Variants in DAB1 observed in about 807,000 individuals in gnomAD.
DAB1 encodes the protein disabled homolog 1.
Under a neutral mutation model 64.6 loss-of-function variants are expected in DAB1, and 15 were observed. That is an observed-to-expected ratio of 0.23 (90% CI 0.16 to 0.36). DAB1 has a LOEUF of 0.36. Ranked by LOEUF, DAB1 falls within the 10% of genes least tolerant of loss-of-function variation. The probability of loss-of-function intolerance (pLI) is 1.00; values close to 1 mark genes in which losing one functional copy is unlikely to be tolerated. For missense variants in DAB1, 596 were observed against 706.7 expected (o/e 0.84, Z 1.78); for synonymous variants, 235 against 251.9 (o/e 0.93, Z 0.64).
intron 2 of DAB1, among the ~76,000 whole-genome samples, chr1:58,510,190 C>T (rs960406726): frequency 3.9e-5 from 6 of 152,046 alleles, no homozygotes; most frequent in East Asian, 1.9e-4. Context: ...AAAAAAATTA[C>T]GGGCCAATAT....
chr1:58,115,732 G>A (rs1435440028), intron 5 of DAB1, among the ~76,000 whole-genome samples: 4 of 95,846 alleles, frequency 4.2e-5, no homozygotes, highest in East Asian at 3.0e-4. Flanking sequence ...GTAAACTATC[G>A]CAAGAACAAA....
At chr1:57,284,112 A>T (rs1672125216) in intron 2 of DAB1, among the ~76,000 whole-genome samples, 1 of 152,262 alleles carries the variant, frequency 6.6e-6, no homozygotes, top group East Asian at 1.9e-4. Context: ...TATGATAAAC[A>T]TGGAATATTT....
Position 57,439,436 on chromosome 1 carries a change from T to TTTTGTTTTTTTTTGTTTTTTTTTG in DAB1, n.626-148271_626-148270insCAAAAAAAAACAAAAAAAAACAAA, listed in dbSNP as rs1558381591. ...TGATGAGGTTTTTTCTTTTTTTTTT[T>TTTTGTTTTTTTTTGTTTTTTTTTG]TTTTTTTTTTTGAGACGGAGTCTCC... On this transcript the variant is annotated intron_variant and non_coding_transcript_variant, in intron 7 of 20. Transcript: ENST00000485760. Among the ~76,000 whole-genome samples the TTTTGTTTTTTTTTGTTTTTTTTTG allele has an allele frequency of 1.3e-4, 18 of 136,038 alleles. 2 individuals carry two copies. In the East Asian group the frequency reaches 2.0e-3, roughly 15 times the overall value. 89.2% of individuals were successfully genotyped at this position (136,038 alleles called of 152,430 possible).
chr1:58,191,506 G>A (rs1051483215), intron 4 of DAB1, among the ~76,000 whole-genome samples: 1 of 152,204 alleles, frequency 6.6e-6, no homozygotes, highest in African/African-American at 2.4e-5. Flanking sequence ...CTGAGTGCAA[G>A]CTGAGGCCGA....
intron 1 of DAB1, among the ~76,000 whole-genome samples, chr1:57,343,012 C>G (rs1457627445): frequency 2.6e-5 from 1 of 37,958 alleles, no homozygotes; most frequent in East Asian, 2.5e-4. Flanking sequence ...ACTGCTGGCT[C>G]GGGCAGCCTG....
At chr1:58,056,333 C>T (rs756893447) in intron 5 of DAB1, 31 of 1,573,304 alleles carry the variant, frequency 2.0e-5, no homozygotes, top group Non-Finnish European at 3.5e-6. Flanking sequence ...ATGTCCCTGA[C>T]TGCTGCGGCC....
At chr1:57,323,823 C>T (rs749003584) in intron 1 of DAB1, among the ~76,000 whole-genome samples, 1 of 151,782 alleles carries the variant, frequency 6.6e-6, no homozygotes, top group African/African-American at 2.4e-5. Context: ...CCAGTGAGAT[C>T]GGGGTGGCGA....
downstream of DAB1, among the ~76,000 whole-genome samples, chr1:57,824,990 G>C (rs1203077796): frequency 6.6e-6 from 1 of 152,212 alleles, no homozygotes; most frequent in Non-Finnish European, 1.5e-5. Context: ...GGATAAACTG[G>C]GAAAGGCCTA....
chr1:58,487,029 G>C (rs899940359), intron 3 of DAB1, among the ~76,000 whole-genome samples: 5 of 152,192 alleles, frequency 3.3e-5, no homozygotes, highest in African/African-American at 1.2e-4. Context: ...CCAAGGAAAG[G>C]ACATTACAAT....
intron 6 of DAB1, among the ~76,000 whole-genome samples, chr1:57,791,246 C>T (rs898107113): frequency 3.3e-5 from 5 of 152,224 alleles, no homozygotes; most frequent in African/African-American, 9.6e-5. Context: ...ATGCCCTAGG[C>T]CCCCCTGTGT....
At chr1:57,098,480 T>C (rs1228360141) in intron 4 of DAB1, among the ~76,000 whole-genome samples, 1 of 152,186 alleles carries the variant, frequency 6.6e-6, no homozygotes, top group African/African-American at 2.4e-5. Context: ...GAGTCTTGTG[T>C]GTCTGGAGGG....
chr1:58,123,587 G>A (rs1179027493), intron 5 of DAB1, among the ~76,000 whole-genome samples: 2 of 152,090 alleles, frequency 1.3e-5, no homozygotes, highest in Admixed American at 1.3e-4. Context: ...ACCTTCTATA[G>A]AACATATAGT....
intron 2 of DAB1, among the ~76,000 whole-genome samples, chr1:57,209,255 T>C (rs1360039626): frequency 1.3e-5 from 2 of 152,246 alleles, no homozygotes; most frequent in African/African-American, 4.8e-5. Context: ...TTTTTATTCA[T>C]TCTAACAGCA....
chr1:58,240,360 C>A (rs954564753), intron 4 of DAB1, among the ~76,000 whole-genome samples: 1 of 152,104 alleles, frequency 6.6e-6, no homozygotes, highest in Non-Finnish European at 1.5e-5. Context: ...TTTTTGTCAT[C>A]CAGTTAGAAT....
At chr1:57,733,103 C>A (rs1025072363) in intron 6 of DAB1, among the ~76,000 whole-genome samples, 3 of 151,984 alleles carry the variant, frequency 2.0e-5, no homozygotes, top group Admixed American at 6.6e-5. Context: ...AACGAAAAGA[C>A]AGAGAGGGGA....
At chr1:57,432,770 T>C (rs1685562706) in intron 7 of DAB1, among the ~76,000 whole-genome samples, 1 of 152,186 alleles carries the variant, frequency 6.6e-6, no homozygotes, top group Non-Finnish European at 1.5e-5. Context: ...AAAATTTCTG[T>C]CTAATATACC....
At chr1:58,212,917 A>G (rs1312993278) in intron 4 of DAB1, among the ~76,000 whole-genome samples, 1 of 152,158 alleles carries the variant, frequency 6.6e-6, no homozygotes, top group African/African-American at 2.4e-5. Context: ...AGTGTTCCAG[A>G]TCCAACAGAG....
At chr1:57,185,702 T>C (rs1663478468) in intron 2 of DAB1, among the ~76,000 whole-genome samples, 1 of 152,198 alleles carries the variant, frequency 6.6e-6, no homozygotes, top group Admixed American at 6.5e-5. Context: ...GAACTAACAA[T>C]GCTGTCTCCG....
chr1:58,222,615 C>T (rs1659235183), intron 4 of DAB1, among the ~76,000 whole-genome samples: 2 of 152,298 alleles, frequency 1.3e-5, no homozygotes, highest in African/African-American at 4.8e-5. Context: ...AGAAGAAGCT[C>T]AATGTTCAGA....
Sources: gnomAD v4.1 joint callset for allele counts (sites outside exome capture counted in the v4.1 genomes callset) on GRCh38, gnomAD v4.1.1 for gene constraint, MANE v1.5 for transcripts, NCBI Gene and HGNC (gene_info 2026-07-23, HGNC 2026-07-21) for gene names.